Variants in UTRN observed in about 807,000 individuals in gnomAD.
The protein encoded by UTRN is utrophin, also known as dystrophin-related protein 1.
In UTRN, 283 loss-of-function variants were observed where a neutral mutation model predicts 463.9. The ratio of observed to expected loss-of-function variants is 0.61; its 90% confidence interval spans 0.55 to 0.67. UTRN has a LOEUF of 0.67. Among genes scored for constraint, UTRN ranks in the 30% least tolerant of loss-of-function variants. The probability of loss-of-function intolerance (pLI) is 0.00; values close to 1 mark genes in which losing one functional copy is unlikely to be tolerated. For missense variants in UTRN, 3,922 were observed against 4,084.3 expected (o/e 0.96, Z 1.08); for synonymous variants, 1,442 against 1,431.5 (o/e 1.01, Z -0.17).
chr6:144,463,613 G>C (rs73599001), intron 23 of UTRN, among the ~76,000 whole-genome samples: 1 of 149,456 alleles, frequency 6.7e-6, no homozygotes, highest in East Asian at 2.0e-4. Context: ...TCCTTACCTT[G>C]GTCTTTTTTT....
intron 54 of UTRN, among the ~76,000 whole-genome samples, chr6:144,746,439 A>G (rs969429135): frequency 6.6e-6 from 1 of 152,136 alleles, no homozygotes; most frequent in Non-Finnish European, 1.5e-5. Context: ...CTGGGCTCCT[A>G]GACAGTTACT....
chr6:144,693,819 A>G (rs1783685080), intron 52 of UTRN, among the ~76,000 whole-genome samples: 1 of 152,204 alleles, frequency 6.6e-6, no homozygotes, highest in Non-Finnish European at 1.5e-5. Flanking sequence ...TTCTGGATAT[A>G]GAATCTTGTC....
intron 65 of UTRN, among the ~76,000 whole-genome samples, chr6:144,810,000 T>C (rs1246260016): frequency 6.6e-6 from 1 of 152,190 alleles, no homozygotes; most frequent in East Asian, 1.9e-4. Flanking sequence ...TGTATTTTTA[T>C]GCTTAGGTTT....
At chr6:144,482,689 T>G (rs1277678363) in intron 27 of UTRN, among the ~76,000 whole-genome samples, 2 of 152,076 alleles carry the variant, frequency 1.3e-5, no homozygotes, top group Non-Finnish European at 2.9e-5. Flanking sequence ...GCAATCCAGG[T>G]TTTCATGTAA....
chr6:144,326,070 G>T (rs1190762318), intron 2 of UTRN, among the ~76,000 whole-genome samples: 1 of 152,172 alleles, frequency 6.6e-6, no homozygotes, highest in Non-Finnish European at 1.5e-5. Flanking sequence ...TCTATTGTCA[G>T]AAGAAACAGA....
At chr6:144,610,213 A>G (rs748866339) in intron 51 of UTRN, among the ~76,000 whole-genome samples, 1 of 151,928 alleles carries the variant, frequency 6.6e-6, no homozygotes, top group Admixed American at 6.6e-5. Flanking sequence ...AAAAGACCCA[A>G]AGAAGTAAAT....
intron 9 of UTRN, among the ~76,000 whole-genome samples, chr6:144,433,563 G>A (rs1224360826): frequency 1.1e-4 from 17 of 150,430 alleles, no homozygotes; most frequent in African/African-American, 2.7e-4. Context: ...GCTGCCGGGC[G>A]GAGGGGCTCC....
In UTRN at chr6:144,583,397, G is replaced by A. The variant is rs182773281; in HGVS notation, c.7479+6109G>A. On this transcript the variant is annotated intron_variant, in intron 51 of 74. Transcript: ENST00000367545. ...GCTTTCCTGGAAACGAGCATGCTCA[G>A]AGAACTGACAAATCATTGTCCAGTG... is the stretch of plus-strand genomic sequence containing the variant. 2.0e-4 allele frequency: 116 copies of A among 591,284 alleles called. No individual in the cohort carries two copies. The African/African-American group carries it at 2.0e-3, about 10-fold the overall frequency. 36.6% of individuals were successfully genotyped at this position (591,284 alleles called of 1,614,324 possible).
chr6:144,364,356 TC>T (rs1036928057), intron 2 of UTRN, among the ~76,000 whole-genome samples: 21 of 152,204 alleles, frequency 1.4e-4, no homozygotes, highest in African/African-American at 4.8e-4. Context: ...CCCTTATGTT[TC>T]CCCCTGAGAG....
intron 50 of UTRN, among the ~76,000 whole-genome samples, chr6:144,576,890 C>T (rs542489201): frequency 5.5e-4 from 84 of 152,006 alleles, no homozygotes; most frequent in Non-Finnish European, 9.4e-4. Context: ...TTATGGCTCT[C>T]CCCCTTTCAC....
intron 50 of UTRN, among the ~76,000 whole-genome samples, chr6:144,576,623 G>T (rs1467447135): frequency 6.6e-6 from 1 of 151,934 alleles, no homozygotes; most frequent in Non-Finnish European, 1.5e-5. Flanking sequence ...AGGAGTATTT[G>T]TTGATACTGT....
intron 53 of UTRN, among the ~76,000 whole-genome samples, chr6:144,711,096 T>A (rs1034718754): frequency 2.0e-5 from 3 of 152,156 alleles, no homozygotes; most frequent in African/African-American, 4.8e-5. Flanking sequence ...GGCGGGTGGA[T>A]CACTTGAGGC....
intron 19 of UTRN, among the ~76,000 whole-genome samples, chr6:144,456,584 C>T (rs917187704): frequency 3.3e-5 from 5 of 150,826 alleles, no homozygotes; most frequent in African/African-American, 1.2e-4. Context: ...ACCAGGGAGT[C>T]GGAGGTTGCA....
rs534971376 is a variant in UTRN at position 144,528,692 on chromosome 6, TG to T, written c.5907-2358del. Among the ~76,000 whole-genome samples, 743 of 152,336 alleles carry T rather than the reference TG, an allele frequency of 4.9e-3. 5 individuals are homozygous for T. Among genetic ancestry groups the T allele is most frequent in the Middle Eastern group, 0.01 (3 of 294 alleles). On this transcript the variant is annotated intron_variant, in intron 41 of 74. Transcript: ENST00000367545. ...CAGCTGTGGATACCAGCACCTGCTC[TG>T]GTGGAAGTAACAGGGGAGTGAAGCG... is the stretch of plus-strand genomic sequence containing the variant.
At chr6:144,534,480 T>A (rs990082752) in intron 43 of UTRN, among the ~76,000 whole-genome samples, 1 of 152,234 alleles carries the variant, frequency 6.6e-6, no homozygotes, top group African/African-American at 2.4e-5. Flanking sequence ...AAATGAGAAC[T>A]ATGATATCAC....
rs138606597 is a variant in UTRN at position 144,482,414 on chromosome 6, A to G, written c.3687+26A>G. 2.8e-3 allele frequency: 2,416 copies of G among 872,634 alleles called. 77 individuals carry two copies. The East Asian group carries it at 0.09, about 32-fold the overall frequency. 54.1% of individuals were successfully genotyped at this position (872,634 alleles called of 1,614,324 possible). ...GTATGCTATTATTATTATTGTTGTT[A>G]TTATTATTATTATTATTATTATTAT... On this transcript the variant is annotated intron_variant, in intron 27 of 74. Transcript: ENST00000367545.
At chr6:144,723,247 A>G (rs1787409982) in intron 53 of UTRN, among the ~76,000 whole-genome samples, 1 of 152,246 alleles carries the variant, frequency 6.6e-6, no homozygotes, top group South Asian at 2.1e-4. Flanking sequence ...TTTACATCAA[A>G]AAATTACTAC....
chr6:144,516,815 A>G lies in UTRN; in HGVS notation c.5408A>G (p.Asp1803Gly), dbSNP rs747897012. ...TTTTTCCTTTTAAAAATTTAGATGG[A>G]TGAGGAGAGTGCCCAGATTGAGGAA... ...LESSDEDEKM[D>G]EESAQIEEVL... Residue 1803 changes from aspartate (D) to glycine (G), a missense_variant, in exon 39 of 75, where the codon GAT (aspartate) becomes GGT (glycine). Around this residue, in one of 3 missense-constraint regions of UTRN, gnomAD observed 2,349 missense variants for 2,303.8 expected, o/e 1.02. Coordinates refer to ENST00000367545, the MANE Select transcript of UTRN (RefSeq NM_007124.3). 1 of 1,472,972 alleles carries G rather than the reference A, an allele frequency of 6.8e-7. No homozygotes were observed. Among genetic ancestry groups the G allele is most frequent in the Non-Finnish European group, 9.0e-7 (1 of 1,116,694 alleles). 91.2% of individuals were successfully genotyped at this position (1,472,972 alleles called of 1,614,324 possible).
At chr6:144,532,340 T>C (rs780105679) in intron 42 of UTRN, among the ~76,000 whole-genome samples, 2 of 152,118 alleles carry the variant, frequency 1.3e-5, no homozygotes, top group South Asian at 2.1e-4. Context: ...TTTAATTGAC[T>C]CATAGTTCAG....
Sources: allele counts gnomAD v4.1 joint callset (sites outside exome capture counted in the v4.1 genomes callset), GRCh38; gene constraint gnomAD v4.1.1; regional missense constraint gnomAD v4.1.1; transcripts MANE v1.5; gene names NCBI Gene and HGNC (gene_info 2026-07-23, HGNC 2026-07-21).